LNX1: variants seen among roughly 807,000 people sequenced by gnomAD.
The protein encoded by LNX1 is ligand of numb-protein X 1.
A neutral mutation model predicts 68.4 loss-of-function variants in LNX1; 54 were observed. That is an observed-to-expected ratio of 0.79 (90% CI 0.63 to 0.99). The LOEUF (loss-of-function observed/expected upper bound fraction) is 0.99, where lower values mean the gene tolerates loss of function less well. Ranked by LOEUF, LNX1 falls within the 50% of genes least tolerant of loss-of-function variation. The pLI is 0.00. For synonymous variants in LNX1, 336 were observed against 350.0 expected (o/e 0.96, Z 0.45); for missense variants, 906 against 926.4 (o/e 0.98, Z 0.29).
intron 2 of LNX1, chr4:53,557,824 CA>C (rs754019542): frequency 3.1e-6 from 5 of 1,608,490 alleles, no homozygotes; most frequent in Non-Finnish European, 4.2e-6. Flanking sequence ...GTCCCACCCC[CA>C]ACATACTAGG....
Position 53,460,752 on chromosome 4 carries a change from G to T in LNX1, c.*155C>A. The T allele has an allele frequency of 1.4e-6, 1 of 706,070 alleles. No homozygotes were observed. Among genetic ancestry groups the T allele is most frequent in the Non-Finnish European group, 2.3e-6 (1 of 441,000 alleles). 43.7% of individuals were successfully genotyped at this position (706,070 alleles called of 1,614,324 possible). ...TAATTTTTTTGGAATCATATTTTCT[G>T]AGGTGTAACTGGCTTTCATTAGATG... On this transcript the variant is annotated 3_prime_UTR_variant, in exon 11 of 11. Coordinates refer to ENST00000263925, the MANE Select transcript of LNX1 (RefSeq NM_001126328.3).
intron 2 of LNX1, among the ~76,000 whole-genome samples, chr4:53,552,691 T>C (rs1729595775): frequency 6.6e-6 from 1 of 151,852 alleles, no homozygotes; most frequent in Non-Finnish European, 1.5e-5. Context: ...TAGCCAGACG[T>C]AGTGGCAGGT....
At chr4:53,531,076 G>A (rs895887678) in intron 2 of LNX1, among the ~76,000 whole-genome samples, 3 of 152,134 alleles carry the variant, frequency 2.0e-5, no homozygotes, top group African/African-American at 7.2e-5. Flanking sequence ...GAGGTGGGAG[G>A]ATGGCTTGAG....
intron 1 of LNX1, among the ~76,000 whole-genome samples, chr4:53,649,116 A>G (rs1431123777): frequency 6.6e-6 from 1 of 152,234 alleles, no homozygotes; most frequent in Non-Finnish European, 1.5e-5. Flanking sequence ...ATTTTACTCA[A>G]GATAACAACT....
rs140611416 is a variant in LNX1 at position 53,482,293 on chromosome 4, C to T, written c.1351-439G>A. Among the ~76,000 whole-genome samples, 1,460 of 152,256 alleles carry T rather than the reference C, an allele frequency of 9.6e-3. 22 individuals carry two copies. Among genetic ancestry groups the T allele is most frequent in the African/African-American group, 0.034 (1,397 of 41,536 alleles). ...AGATGGAGTTAATGGCAGTAACTTGCCACTGCAGGAAGAGAAATCCTGAGC... is the reference window on the plus strand; with the variant it reads ...AGATGGAGTTAATGGCAGTAACTTGTCACTGCAGGAAGAGAAATCCTGAGC... On this transcript the variant is annotated intron_variant, in intron 6 of 10. Coordinates refer to ENST00000263925, the MANE Select transcript of LNX1 (RefSeq NM_001126328.3).
chr4:53,468,690 C>T (rs1722892387), intron 9 of LNX1, among the ~76,000 whole-genome samples: 1 of 152,140 alleles, frequency 6.6e-6, no homozygotes, highest in South Asian at 2.1e-4. Flanking sequence ...GGTTGCAATC[C>T]TAGTCTCTGA....
At chr4:53,479,976 C>A (rs1265178389) in intron 7 of LNX1, among the ~76,000 whole-genome samples, 2 of 152,196 alleles carry the variant, frequency 1.3e-5, no homozygotes, top group Non-Finnish European at 2.9e-5. Flanking sequence ...CAGAGGTAAA[C>A]CATGCAAAAT....
intron 2 of LNX1, among the ~76,000 whole-genome samples, chr4:53,544,431 G>A (rs1577689341): frequency 6.6e-6 from 1 of 151,948 alleles, no homozygotes; most frequent in Non-Finnish European, 1.5e-5. Context: ...CTGAACTCAG[G>A]TGATCCACCC....
intron 9 of LNX1, among the ~76,000 whole-genome samples, chr4:53,473,254 A>G (rs1723354622): frequency 6.6e-6 from 1 of 152,224 alleles, no homozygotes; most frequent in Admixed American, 6.5e-5. Flanking sequence ...CAAAAGTGGA[A>G]GAGAAAAATA....
chr4:53,507,493 C>G (rs1361513697), intron 3 of LNX1, 24 bp from the exon 4 acceptor site: 2 of 1,609,816 alleles, frequency 1.2e-6, no homozygotes, highest in Non-Finnish European at 1.7e-6. Context: ...ACAGGAGGAA[C>G]AGTAGTTATG....
chr4:53,524,905 T>C (rs1396041984), intron 2 of LNX1, among the ~76,000 whole-genome samples: 1 of 152,216 alleles, frequency 6.6e-6, no homozygotes, highest in African/African-American at 2.4e-5. Context: ...TGTTTTCTTC[T>C]GATTTCACAT....
intron 2 of LNX1, among the ~76,000 whole-genome samples, chr4:53,566,386 T>A (rs1730692336): frequency 6.6e-6 from 1 of 151,902 alleles, no homozygotes; most frequent in Non-Finnish European, 1.5e-5. Context: ...GAATTTCATA[T>A]CCAGCCAAAC....
intron 2 of LNX1, among the ~76,000 whole-genome samples, chr4:53,561,644 T>A (rs1730295663): frequency 1.3e-5 from 2 of 152,218 alleles, no homozygotes; most frequent in South Asian, 4.1e-4. Context: ...GGTTAGACCT[T>A]TGGAGAAGAA....
At chr4:53,627,550 G>T (rs1481065468) in intron 1 of LNX1, among the ~76,000 whole-genome samples, 1 of 152,184 alleles carries the variant, frequency 6.6e-6, no homozygotes, top group Non-Finnish European at 1.5e-5. Context: ...GCTCTGAATT[G>T]ATGCCCCCTA....
rs1434953113 is a variant in LNX1, at chr4:53,460,913, A to G, written c.2181T>C (p.Phe727=). 1 of 1,608,450 alleles carries G rather than the reference A, an allele frequency of 6.2e-7. No homozygotes were observed. Among genetic ancestry groups the G allele is most frequent in the Non-Finnish European group, 8.5e-7 (1 of 1,178,004 alleles). ...TLTIVSWPGT[F]L The stretch of plus-strand genomic sequence containing the variant: ...CTCTGACCCATCATTGATTCTATAA[A>G]AAAGTGCCAGGCCAAGAAACAATAG... Residue 727 remains phenylalanine, a synonymous_variant, in exon 11 of 11, where the codon TTT becomes TTC. Coordinates refer to ENST00000263925, the MANE Select transcript of LNX1 (RefSeq NM_001126328.3).
chr4:53,592,508 A>G (rs1027347211), upstream of LNX1, among the ~76,000 whole-genome samples: 1 of 152,180 alleles, frequency 6.6e-6, no homozygotes, highest in African/African-American at 2.4e-5. Flanking sequence ...TACCACCTGC[A>G]TCCAGCATCC....
At chr4:53,555,523 A>T (rs950000915) in intron 2 of LNX1, among the ~76,000 whole-genome samples, 1 of 152,180 alleles carries the variant, frequency 6.6e-6, no homozygotes, top group Non-Finnish European at 1.5e-5. Flanking sequence ...ATCATTGCTT[A>T]TATCTCTTAT....
At chr4:53,559,862 A>G (rs1287142539) in intron 2 of LNX1, among the ~76,000 whole-genome samples, 4 of 118,788 alleles carry the variant, frequency 3.4e-5, no homozygotes, top group Admixed American at 1.6e-4. Flanking sequence ...GGGTCCCTCT[A>G]TGTTGCCCAG....
At chr4:53,491,993 A>C (rs1183898924) in intron 6 of LNX1, among the ~76,000 whole-genome samples, 4 of 151,674 alleles carry the variant, frequency 2.6e-5, no homozygotes, top group Admixed American at 1.3e-4. Flanking sequence ...CACCCTGTTG[A>C]CCAGGCTGGT....
Sources: gnomAD v4.1 joint callset for allele counts (sites outside exome capture counted in the v4.1 genomes callset) on GRCh38, gnomAD v4.1.1 for gene constraint, MANE v1.5 for transcripts, NCBI Gene and HGNC (gene_info 2026-07-23, HGNC 2026-07-21) for gene names.